SLC7A10: variants seen among roughly 807,000 people sequenced by gnomAD.
SLC7A10 encodes the protein solute carrier family 7 member 10, also known as asc-type amino acid transporter 1.
A neutral mutation model predicts 52.7 loss-of-function variants in SLC7A10; 30 were observed. The ratio of observed to expected loss-of-function variants is 0.57; its 90% confidence interval spans 0.43 to 0.77. SLC7A10 has a LOEUF of 0.77. Ranked by LOEUF, SLC7A10 falls within the 30% of genes least tolerant of loss-of-function variation. The probability of loss-of-function intolerance (pLI) is 0.00; values close to 1 mark genes in which losing one functional copy is unlikely to be tolerated. For missense variants in SLC7A10, 581 were observed against 698.5 expected (o/e 0.83, Z 1.90); for synonymous variants, 318 against 314.9 (o/e 1.01, Z -0.10).
At position 33,212,972 on chromosome 19, in the gene SLC7A10, G is replaced by A. The variant is rs369501411; in HGVS notation, c.387C>T (p.Ile129=). ...TGACAGCAAGGCTGGTGGGGTACAT[G>A]ATGAGGACGGCGCTCCAGAGCAGCA... ...GFLLLWSAVL[I]MYPTSLAVIS... The change falls in exon 3 of 11, where the codon ATC becomes ATT. Residue 129 remains isoleucine (I), a synonymous_variant. Transcript: ENST00000253188. The A allele has an allele frequency of 5.0e-6, 8 of 1,613,272 alleles. No individual in the cohort carries two copies. Among genetic ancestry groups the A allele is most frequent in the Non-Finnish European group, 6.8e-6 (8 of 1,179,700 alleles).
chr19:33,224,390 G>A (rs1005034331), intron 1 of SLC7A10, among the ~76,000 whole-genome samples: 1 of 152,146 alleles, frequency 6.6e-6, no homozygotes, highest in Admixed American at 6.5e-5. Flanking sequence ...CTAAGGGGAG[G>A]GGGTGAGATG....
intron 1 of SLC7A10, 124 bp from the exon 2 acceptor site, chr19:33,216,097 GC>G: frequency 1.2e-6 from 1 of 858,282 alleles, no homozygotes; most frequent in Non-Finnish European, 1.8e-6. Flanking sequence ...GGAGGAGGAG[GC>G]AGGAGGTGGG....
chr19:33,219,196 C>T (rs1055728886), intron 1 of SLC7A10, among the ~76,000 whole-genome samples: 2 of 152,106 alleles, frequency 1.3e-5, no homozygotes, highest in African/African-American at 4.8e-5. Flanking sequence ...TGACTGCCCC[C>T]CAAGTCGGCC....
At chr19:33,215,320 A>T (rs1379007754) in intron 2 of SLC7A10, among the ~76,000 whole-genome samples, 2 of 150,772 alleles carry the variant, frequency 1.3e-5, no homozygotes, top group African/African-American at 4.9e-5. Flanking sequence ...TAAGAATATC[A>T]CACTTCCTTC....
chr19:33,215,823 G>A lies in SLC7A10; in HGVS notation c.302C>T (p.Pro101Leu), dbSNP rs765362787. ...LCYAELGVAI[P>L]KSGGDYAYVT... ...GTAGGCGTAGTCCCCGCCAGACTTG[G>A]GGATGGCGACTCCCAGCTCTGCATA... Residue 101 changes from proline to leucine, a missense_variant, in exon 2 of 11, where the codon CCC becomes CTC. Physicochemically the swap from Pro to Leu is moderately conservative, Grantham distance 98. Coordinates refer to ENST00000253188, the MANE Select transcript of SLC7A10 (RefSeq NM_019849.3). 6.3e-7 allele frequency: 1 copy of A among 1,584,990 alleles called. No individual in the cohort carries two copies. Among genetic ancestry groups the A allele is most frequent in the Non-Finnish European group, 8.6e-7 (1 of 1,166,056 alleles).
intron 1 of SLC7A10, among the ~76,000 whole-genome samples, chr19:33,219,315 G>C (rs778438544): frequency 1.6e-4 from 25 of 152,240 alleles, no homozygotes; most frequent in Non-Finnish European, 3.2e-4. Flanking sequence ...TTGGAGGAAC[G>C]AAGAAAGGGC....
At chr19:33,218,125 A>G (rs1974728990) in intron 1 of SLC7A10, among the ~76,000 whole-genome samples, 1 of 152,044 alleles carries the variant, frequency 6.6e-6, no homozygotes, top group African/African-American at 2.4e-5. Flanking sequence ...GAGCATGTTC[A>G]CGCTGGGAGC....
In SLC7A10 at chr19:33,211,424, G is replaced by A. The variant is rs768643697; in HGVS notation, c.902C>T (p.Ala301Val). 3.7e-6 allele frequency: 6 copies of A among 1,613,828 alleles called. No homozygotes were observed. Among genetic ancestry groups the A allele is most frequent in the African/African-American group, 2.7e-5 (2 of 74,938 alleles). Reference sequence around the variant, plus strand: ...CAGGGGCCCACTCACCACAGCCACCGCATTGGAGGAGAGCAGCTCCTGGGG... The same window carrying A: ...CAGGGGCCCACTCACCACAGCCACCACATTGGAGGAGAGCAGCTCCTGGGG... ...MSPQELLSSN[A>V]VAVTFGEKLL... is the part of the protein sequence containing the mutation. The change falls in exon 6 of 11, where the codon GCG becomes GTG. Residue 301 changes from alanine to valine, a missense_variant. Coordinates refer to ENST00000253188, the MANE Select transcript of SLC7A10 (RefSeq NM_019849.3).
rs946385168 is a variant in SLC7A10 at position 33,225,720 on chromosome 19, G to C, written c.-17C>G. On this transcript the variant is annotated 5_prime_UTR_variant, in exon 1 of 11. Coordinates refer to ENST00000253188, the MANE Select transcript of SLC7A10 (RefSeq NM_019849.3). ...GCCGGCCATGTCGCTGTCCCGCCGC[G>C]TCCCCGCTCCCTGCGCTGCCCCGTC... 12 of 1,504,086 alleles carry C rather than the reference G, an allele frequency of 8.0e-6. No individual in the cohort carries two copies. The African/African-American group carries it at 1.7e-4, about 22-fold the overall frequency. 93.2% of individuals were successfully genotyped at this position (1,504,086 alleles called of 1,614,324 possible).
Position 33,225,755 on chromosome 19 carries a change from G to C in SLC7A10, c.-52C>G. The C allele has an allele frequency of 6.9e-7, 1 of 1,451,164 alleles. No homozygotes were observed. Among genetic ancestry groups the C allele is most frequent in the South Asian group, 1.3e-5 (1 of 75,044 alleles). The allele number at this position is 1,451,164 out of a possible 1,614,324, so 89.9% of individuals were successfully genotyped here. ...CCTGCGCTGCCCCGTCTGTCCGGCCGGCCGCCCGTCGGTCCGTCGGTCCGT... is the reference window on the plus strand; with the variant it reads ...CCTGCGCTGCCCCGTCTGTCCGGCCCGCCGCCCGTCGGTCCGTCGGTCCGT... On this transcript the variant is annotated 5_prime_UTR_variant, in exon 1 of 11. Transcript: ENST00000253188.
Position 33,209,215 on chromosome 19 carries a change from G to GGACA in SLC7A10, c.1441+89_1441+92dup, listed in dbSNP as rs893128251. 185 of 1,567,538 alleles carry GGACA rather than the reference G, an allele frequency of 1.2e-4. 1 individual carries two copies. Among genetic ancestry groups the GGACA allele is most frequent in the Middle Eastern group, 6.3e-4 (3 of 4,796 alleles). On this transcript the variant is annotated intron_variant, in intron 10 of 10. Coordinates refer to ENST00000253188, the MANE Select transcript of SLC7A10 (RefSeq NM_019849.3). ...CCCTGTGTTCCCACCTCAGCTGCTA[G>GGACA]GACACCCTGCTCTGGGGTGAGCCTC... is the stretch of plus-strand genomic sequence containing the variant.
intron 1 of SLC7A10, among the ~76,000 whole-genome samples, chr19:33,219,585 C>G (rs1365454352): frequency 6.6e-6 from 1 of 152,260 alleles, no homozygotes; most frequent in Non-Finnish European, 1.5e-5. Flanking sequence ...TTCCGAGCCC[C>G]AGTTTCCCCA....
Position 33,225,538 on chromosome 19 carries a change from C to T in SLC7A10, c.151+15G>A, listed in dbSNP as rs372342553. ...CGGCCTCCGCCCGGCGCCCGCCCGCCTGGGTCCCGCTCACCGATGATGATG... is the reference window on the plus strand; with the variant it reads ...CGGCCTCCGCCCGGCGCCCGCCCGCTTGGGTCCCGCTCACCGATGATGATG... On this transcript the variant is annotated intron_variant, in intron 1 of 10. Transcript: ENST00000253188. 6.3e-7 allele frequency: 1 copy of T among 1,595,934 alleles called. No homozygotes were observed. Among genetic ancestry groups the T allele is most frequent in the East Asian group, 2.2e-5 (1 of 44,810 alleles).
At chr19:33,215,626 ATCCACCCCCCACACCTTCTCT>A in intron 2 of SLC7A10, 122 bp downstream of exon 2, 7 of 306,854 alleles carry the variant, frequency 2.3e-5, no homozygotes, top group East Asian at 1.2e-4. Context: ...CCTTCTCTCC[ATCCACCCCCCACACCTTCTCT>A]CCATCCACCC....
In SLC7A10 at chr19:33,210,745, T is replaced by C. The variant is rs1176813036; in HGVS notation, c.1113+57A>G. On this transcript the variant is annotated intron_variant, in intron 8 of 10. Coordinates refer to ENST00000253188, the MANE Select transcript of SLC7A10 (RefSeq NM_019849.3). This position sits in a 1 kb window ranked among gnomAD's most constrained non-coding sequence, Gnocchi z 5.6. ...ACCCCTGCCATTACCCGGAAGGTCC[T>C]GCATTGCCGGGTAGCCCTGCCTCCA... The C allele has an allele frequency of 4.4e-6, 7 of 1,600,964 alleles. No individual in the cohort carries two copies. The highest frequency in any genetic ancestry group is 5.1e-6 in the Non-Finnish European group (6 of 1,170,544).
At chr19:33,225,496 C>A (rs1222168686) in intron 1 of SLC7A10, 57 bp downstream of exon 1, 2 of 1,578,756 alleles carry the variant, frequency 1.3e-6, no homozygotes, top group African/African-American at 1.3e-5. Flanking sequence ...TCGTTCGGAG[C>A]GGCTGCGCCC....
In SLC7A10 at chr19:33,212,644, G is replaced by C. The variant is rs757400011; in HGVS notation, c.509-5C>G. 1 of 1,613,640 alleles carries C rather than the reference G, an allele frequency of 6.2e-7. No individual in the cohort carries two copies. The highest frequency in any genetic ancestry group is 2.2e-5 in the East Asian group (1 of 44,878). ...TGTTCACCCATGTCAGGAGCACTGC[G>C]GAGGGAAGGCGGGGGTGGGCGCCGA... On this transcript the variant is annotated splice_polypyrimidine_tract_variant and splice_region_variant and intron_variant, in intron 3 of 10. Coordinates refer to ENST00000253188, the MANE Select transcript of SLC7A10 (RefSeq NM_019849.3).
intron 1 of SLC7A10, among the ~76,000 whole-genome samples, chr19:33,221,942 G>A (rs879542480): frequency 7.9e-5 from 12 of 152,156 alleles, no homozygotes; most frequent in Non-Finnish European, 1.5e-4. Flanking sequence ...GAGTCCAGCC[G>A]CCGATGGGGA....
chr19:33,215,642 T>TTCTCTCCATCCACCCCCCACACCA, intron 2 of SLC7A10, 127 bp downstream of exon 2: 2 of 486,798 alleles, frequency 4.1e-6, no homozygotes, highest in African/African-American at 2.9e-5. Flanking sequence ...CCCCCACACC[T>TTCTCTCCATCCACCCCCCACACCA]TCTCTCCATC....
Sources: gnomAD v4.1 joint callset for allele counts (sites outside exome capture counted in the v4.1 genomes callset) on GRCh38, gnomAD v4.1.1 for gene constraint, Gnocchi (gnomAD v3.1) non-coding constraint, MANE v1.5 for transcripts, NCBI Gene and HGNC (gene_info 2026-07-23, HGNC 2026-07-21) for gene names.